SEPTIN9: variants seen among roughly 807,000 people sequenced by gnomAD.
SEPTIN9 encodes septin 9.
SEPTIN9 carries 13 observed loss-of-function variants against 56.6 expected under a neutral mutation model. That is an observed-to-expected ratio of 0.23 (90% CI 0.15 to 0.37). The LOEUF (loss-of-function observed/expected upper bound fraction) is 0.37, where lower values mean the gene tolerates loss of function less well. Among genes scored for constraint, SEPTIN9 ranks in the 10% least tolerant of loss-of-function variants. SEPTIN9 has a pLI of 1.00. For missense variants in SEPTIN9, 650 were observed against 823.1 expected (o/e 0.79, Z 2.57); for synonymous variants, 332 against 334.1 (o/e 0.99, Z 0.07).
intron 3 of SEPTIN9, among the ~76,000 whole-genome samples, chr17:77,438,583 T>C (rs897335735): frequency 6.6e-6 from 1 of 152,002 alleles, no homozygotes; most frequent in Non-Finnish European, 1.5e-5. Context: ...AGGGGTGCAG[T>C]GGGAGAGGCT....
intron 2 of SEPTIN9, among the ~76,000 whole-genome samples, chr17:77,308,503 G>A (rs556437980): frequency 6.6e-6 from 1 of 152,358 alleles, no homozygotes; most frequent in Non-Finnish European, 1.5e-5. Flanking sequence ...TATGGTAGCC[G>A]CTTAGCCGCC....
At chr17:77,479,196 G>A (rs1383594958) in intron 3 of SEPTIN9, among the ~76,000 whole-genome samples, 1 of 152,242 alleles carries the variant, frequency 6.6e-6, no homozygotes, top group Non-Finnish European at 1.5e-5. Flanking sequence ...GTGGCCAGTG[G>A]CTACCACGCT....
At chr17:77,486,488 G>GTGTGTA (rs2039786121) in intron 4 of SEPTIN9, among the ~76,000 whole-genome samples, 4 of 61,752 alleles carry the variant, frequency 6.5e-5, no homozygotes, top group African/African-American at 2.7e-4. Flanking sequence ...GTCTGGAGGG[G>GTGTGTA]TGTGTGTGTG....
chr17:77,352,135 T>C (rs894123917), intron 2 of SEPTIN9, among the ~76,000 whole-genome samples: 3 of 151,994 alleles, frequency 2.0e-5, no homozygotes, highest in Non-Finnish European at 4.4e-5. Context: ...CGGTGGCTCA[T>C]GCCTGTAATC....
Position 77,475,646 on chromosome 17 carries a change from T to A in SEPTIN9, c.722-6498T>A. 1 of 1,613,758 alleles carries A rather than the reference T, an allele frequency of 6.2e-7. No homozygotes were observed. The highest frequency in any genetic ancestry group is 1.7e-5 in the Admixed American group (1 of 60,008). On this transcript the variant is annotated intron_variant, in intron 3 of 11. Transcript: ENST00000427177. The surrounding 1 kb of genome is among the most constrained non-coding windows in gnomAD (Gnocchi z 4.6). The stretch of plus-strand genomic sequence containing the variant: ...CTGGAGGCTGCTCCAGTGTGCATTG[T>A]TACGAGGCAAAGTAAGGAGACTGCT...
rs1375182514 is a variant in SEPTIN9 at position 77,319,920 on chromosome 17, G to A, written c.76+12723G>A. On this transcript the variant is annotated intron_variant, in intron 2 of 11. Coordinates refer to ENST00000427177, the MANE Select transcript of SEPTIN9 (RefSeq NM_001113491.2). This position sits in a 1 kb window ranked among gnomAD's most constrained non-coding sequence, Gnocchi z 5.3. ...TGGAGAGAGGAGGCTGCCGGAAGCC[G>A]CACTCGGGACCTCTGCAGCCACCGA... 8 of 1,111,922 alleles carry A rather than the reference G, an allele frequency of 7.2e-6. No individual in the cohort carries two copies. The highest frequency in any genetic ancestry group is 7.4e-5 in the South Asian group (2 of 26,942). The allele number at this position is 1,111,922 out of a possible 1,614,324, so 68.9% of individuals were successfully genotyped here.
chr17:77,363,664 A>G (rs568910417), intron 2 of SEPTIN9, among the ~76,000 whole-genome samples: 2 of 152,192 alleles, frequency 1.3e-5, no homozygotes, highest in South Asian at 4.2e-4. Flanking sequence ...CTGGGATTAC[A>G]GGCATGAGCC....
chr17:77,284,765 G>T (rs2031201878), intron 1 of SEPTIN9, among the ~76,000 whole-genome samples: 1 of 152,180 alleles, frequency 6.6e-6, no homozygotes, highest in South Asian at 2.1e-4. Context: ...GAGTGGCTGG[G>T]ATTGTAGGAA....
At chr17:77,424,150 T>G (rs964474483) in intron 3 of SEPTIN9, among the ~76,000 whole-genome samples, 2 of 152,280 alleles carry the variant, frequency 1.3e-5, no homozygotes, top group Non-Finnish European at 2.9e-5. Flanking sequence ...CTCGAAGCTT[T>G]ATGCGCTTCA....
chr17:77,303,044 C>T (rs565820864), intron 1 of SEPTIN9, among the ~76,000 whole-genome samples: 8 of 152,132 alleles, frequency 5.3e-5, no homozygotes, highest in African/African-American at 1.7e-4. Context: ...GGTGGGTCCC[C>T]GGACTCCTGC....
intron 3 of SEPTIN9, among the ~76,000 whole-genome samples, chr17:77,416,954 C>G (rs896718881): frequency 8.5e-5 from 13 of 152,228 alleles, no homozygotes; most frequent in African/African-American, 2.7e-4. Flanking sequence ...TCTTGGTTTC[C>G]TCATCTGTAC....
chr17:77,326,134 C>T lies in SEPTIN9; in HGVS notation c.76+18937C>T, dbSNP rs111393797. 8.5e-5 allele frequency among the ~76,000 whole-genome samples: 13 copies of T among 152,286 alleles called. 1 individual carries two copies. Among genetic ancestry groups the T allele is most frequent in the African/African-American group, 3.1e-4 (13 of 41,534 alleles). On this transcript the variant is annotated intron_variant, in intron 2 of 11. Transcript: ENST00000427177. The surrounding 1 kb of genome is among the most constrained non-coding windows in gnomAD (Gnocchi z 5.1). ...CCAAGGGGTCATCTCTGCTTCCCTC[C>T]CCACCCAACCTCACCCATGTGGTCC... is the stretch of plus-strand genomic sequence containing the variant.
Position 77,467,481 on chromosome 17 carries a change from C to A in SEPTIN9, c.722-14663C>A, listed in dbSNP as rs186534037. Among the ~76,000 whole-genome samples the A allele has an allele frequency of 8.0e-4, 121 of 151,876 alleles. 1 individual carries two copies. The highest frequency in any genetic ancestry group is 2.9e-3 in the African/African-American group (121 of 41,398). On this transcript the variant is annotated intron_variant, in intron 3 of 11. Transcript: ENST00000427177. ...CGGGGAAGAGGGTGGGGATTAGGGT[C>A]CCTGGCTGCAGAACAGCCAGGCCCC...
chr17:77,343,707 T>G (rs2033806538), intron 2 of SEPTIN9, among the ~76,000 whole-genome samples: 1 of 152,208 alleles, frequency 6.6e-6, no homozygotes, highest in South Asian at 2.1e-4. Flanking sequence ...CTGCACTAAC[T>G]CTGGTTGGTG....
intron 2 of SEPTIN9, among the ~76,000 whole-genome samples, chr17:77,345,073 A>G (rs1383911043): frequency 6.6e-6 from 1 of 152,066 alleles, no homozygotes; most frequent in African/African-American, 2.4e-5. Flanking sequence ...ATGAAAAGAC[A>G]AATACTGTAT....
chr17:77,373,400 C>A (rs1304981077), intron 2 of SEPTIN9: 3 of 1,255,504 alleles, frequency 2.4e-6, no homozygotes, highest in Non-Finnish European at 3.0e-6. Context: ...ACTGCAGGAG[C>A]GCGGGCGCGG....
chr17:77,484,552 GATGATGGTGATTGTGGTGATGGTGGTT>G (rs2039605080), intron 4 of SEPTIN9, among the ~76,000 whole-genome samples: 1 of 146,272 alleles, frequency 6.8e-6, no homozygotes, highest in Non-Finnish European at 1.5e-5. Context: ...TGATGGTGGT[GATGATGGTGATTGTGGTGATGGTGGTT>G]ATGATGGTGG....
chr17:77,296,151 G>C (rs1314958659), intron 1 of SEPTIN9, among the ~76,000 whole-genome samples: 1 of 152,138 alleles, frequency 6.6e-6, no homozygotes, highest in Non-Finnish European at 1.5e-5. Flanking sequence ...GTACAAGCCA[G>C]GAAGAGGGGC....
intron 2 of SEPTIN9, among the ~76,000 whole-genome samples, chr17:77,338,150 T>G (rs2033613710): frequency 6.6e-6 from 1 of 151,438 alleles, no homozygotes; most frequent in Admixed American, 6.6e-5. Context: ...TGAGCTGAGA[T>G]CACACCACTG....
Sources: allele counts gnomAD v4.1 joint callset (sites outside exome capture counted in the v4.1 genomes callset), GRCh38; gene constraint gnomAD v4.1.1; non-coding constraint Gnocchi (gnomAD v3.1); transcripts MANE v1.5; gene names NCBI Gene and HGNC (gene_info 2026-07-23, HGNC 2026-07-21).